The following SRP19 variants were observed in gnomAD, a reference collection of about 807,000 sequenced individuals.
The protein encoded by SRP19 is signal recognition particle 19, also known as signal recognition particle 19 kDa protein.
SRP19 carries 11 observed loss-of-function variants against 22.4 expected under a neutral mutation model. The observed-to-expected ratio is 0.49, with a 90% CI of 0.31 to 0.81. SRP19 has a LOEUF of 0.81. Ranked by LOEUF, SRP19 falls within the 40% of genes least tolerant of loss-of-function variation. The probability of loss-of-function intolerance (pLI) is 0.05; values close to 1 mark genes in which losing one functional copy is unlikely to be tolerated. For missense variants in SRP19, 168 were observed against 175.9 expected, an observed-to-expected ratio of 0.96 and a Z score of 0.25; for synonymous variants, 61 against 57.6, an observed-to-expected ratio of 1.06 and a Z score of -0.27.
chr5:112,878,174 G>GTAT (rs1647529939), intron 4 of SRP19: 1 of 152,566 alleles, frequency 6.6e-6, no homozygotes, highest in Non-Finnish European at 1.5e-5. Context: ...TATTAATCAC[G>GTAT]TATTTCCTAA....
intron 4 of SRP19, among the ~76,000 whole-genome samples, chr5:112,890,849 A>G (rs1768416964): frequency 6.6e-6 from 1 of 150,800 alleles, no homozygotes; most frequent in Non-Finnish European, 1.5e-5. Context: ...TAATCACTTA[A>G]GTCTGGTTTT....
downstream of SRP19, among the ~76,000 whole-genome samples, chr5:112,870,429 C>T (rs1158923681): frequency 2.6e-5 from 4 of 151,822 alleles, no homozygotes; most frequent in African/African-American, 7.3e-5. Context: ...TGCAGTGAGC[C>T]GTGATCATGC....
At chr5:112,888,410 C>T (rs1385462116) in intron 4 of SRP19, among the ~76,000 whole-genome samples, 2 of 152,108 alleles carry the variant, frequency 1.3e-5, no homozygotes, top group Non-Finnish European at 2.9e-5. Context: ...AAACAAAACC[C>T]AAGTTCTCAA....
rs144280995 is a variant in SRP19, at chr5:112,866,072, G to A, written c.302-1332G>A. Reference sequence around the variant, plus strand: ...AGACAAGGTCTCACTCTGTCATCGAGGTTGAGTGCAGTGGCACGATTATGG... The same window carrying A: ...AGACAAGGTCTCACTCTGTCATCGAAGTTGAGTGCAGTGGCACGATTATGG... On this transcript the variant is annotated intron_variant, in intron 4 of 4. Coordinates refer to ENST00000505459, the MANE Select transcript of SRP19 (RefSeq NM_003135.3). Among the ~76,000 whole-genome samples, 94 of 151,588 alleles carry A rather than the reference G, an allele frequency of 6.2e-4. 1 individual carries two copies. The East Asian group carries it at 0.013, about 21-fold the overall frequency.
chr5:112,882,903 G>C (rs911152219), intron 4 of SRP19, among the ~76,000 whole-genome samples: 2 of 152,102 alleles, frequency 1.3e-5, no homozygotes, highest in African/African-American at 4.8e-5. Flanking sequence ...AGTCACTTCT[G>C]TAGGCTCCCA....
chr5:112,892,002 G>A lies in SRP19; in HGVS notation c.*395G>A, dbSNP rs538839279. 3.2e-5 allele frequency: 41 copies of A among 1,287,264 alleles called. No homozygotes were observed. The East Asian group carries it at 9.5e-4, about 30-fold the overall frequency. 79.7% of individuals were successfully genotyped at this position (1,287,264 alleles called of 1,614,324 possible). A position where few individuals can be genotyped will look rare whatever the true frequency, so the allele number is the denominator to read the frequency against. Reference sequence around the variant, plus strand: ...AGGAACAATGGAAAGAACAGCAGAGGAAAGAGAGAGAAGAGGAGGAGCAGA... The same window carrying A: ...AGGAACAATGGAAAGAACAGCAGAGAAAAGAGAGAGAAGAGGAGGAGCAGA... On this transcript the variant is annotated 3_prime_UTR_variant, in exon 5 of 5. Transcript: ENST00000391338.
intron 4 of SRP19, among the ~76,000 whole-genome samples, chr5:112,866,001 C>T (rs1340960532): frequency 1.3e-5 from 2 of 152,126 alleles, no homozygotes; most frequent in African/African-American, 2.4e-5. Context: ...AGATTACAGG[C>T]GTTTGCCACC....
At position 112,878,855 on chromosome 5, in the gene SRP19, G is replaced by A. The variant is rs6875646; in HGVS notation, c.302-12748G>A. Reference sequence around the variant, plus strand: ...TCTTCGCTGTTTGTTTGTTAGGAGGGAAAGAAAAATATATCAAAGCTCTTT... The same window carrying A: ...TCTTCGCTGTTTGTTTGTTAGGAGGAAAAGAAAAATATATCAAAGCTCTTT... On this transcript the variant is annotated intron_variant, in intron 4 of 4. Transcript: ENST00000391338. 3.7e-6 allele frequency: 6 copies of A among 1,613,830 alleles called. No homozygotes were observed. In the Admixed American group the frequency reaches 1.0e-4, roughly 27 times the overall value.
chr5:112,885,321 A>G, intron 4 of SRP19: 1 of 174,684 alleles, frequency 5.7e-6, no homozygotes, highest in Non-Finnish European at 1.2e-5. Context: ...AGCAAGTGGT[A>G]GATTTAGAAC....
chr5:112,878,447 G>A (rs527421336), intron 4 of SRP19: 5 of 251,020 alleles, frequency 2.0e-5, no homozygotes, highest in Admixed American at 4.9e-5. Context: ...GAGAAAATGC[G>A]TGCAGGGAGA....
At chr5:112,875,971 C>T (rs554769421) in intron 4 of SRP19, among the ~76,000 whole-genome samples, 1 of 150,990 alleles carries the variant, frequency 6.6e-6, no homozygotes, top group South Asian at 2.1e-4. Context: ...GGCATGAACC[C>T]GGGAGGCGGC....
At position 112,867,595 on chromosome 5, in the gene SRP19, A is replaced by C; in HGVS notation, c.*58A>C. ...GTAAGAGACATGAATGGAGACTTCT[A>C]ATTTGTATCGGAGGGAAACAGAAGC... On this transcript the variant is annotated 3_prime_UTR_variant, in exon 5 of 5. Coordinates refer to ENST00000505459, the MANE Select transcript of SRP19 (RefSeq NM_003135.3). The C allele has an allele frequency of 6.7e-7, 1 of 1,482,896 alleles. No homozygotes were observed. The highest frequency in any genetic ancestry group is 9.0e-7 in the Non-Finnish European group (1 of 1,113,814). 91.9% of individuals were successfully genotyped at this position (1,482,896 alleles called of 1,614,324 possible).
chr5:112,884,552 A>C (rs1768173863), intron 4 of SRP19, among the ~76,000 whole-genome samples: 1 of 151,886 alleles, frequency 6.6e-6, no homozygotes, highest in East Asian at 1.9e-4. Context: ...TAATTTTTAA[A>C]TTTTTGTAGA....
In SRP19 at chr5:112,864,541, T is replaced by G; in HGVS notation, c.189+13T>G. 4 of 1,613,630 alleles carry G rather than the reference T, an allele frequency of 2.5e-6. No homozygotes were observed. In the South Asian group the frequency reaches 4.4e-5, roughly 18 times the overall value. ...CGTATTTCTTGAGGTATGACGTGGT[T>G]CTTCACTATTTTCCATACTCATCTA... is the stretch of plus-strand genomic sequence containing the variant. On this transcript the variant is annotated intron_variant, in intron 3 of 4. Transcript: ENST00000505459.
At chr5:112,865,028 C>A in intron 4 of SRP19, 1 of 214,352 alleles carries the variant, frequency 4.7e-6, no homozygotes, top group Non-Finnish European at 9.2e-6. Flanking sequence ...ATTATTAAAT[C>A]GTTGGATGTT....
intron 4 of SRP19, chr5:112,887,268 G>C: frequency 8.0e-7 from 1 of 1,249,552 alleles, no homozygotes; most frequent in African/African-American, 1.5e-5. Context: ...ACTACTCTGG[G>C]GATGGGAGAT....
At chr5:112,897,760 T>C (rs542386728), downstream of SRP19, 4 of 152,148 alleles carry the variant, frequency 2.6e-5, no homozygotes, top group Admixed American at 2.6e-4. Flanking sequence ...AAAAATAAAA[T>C]ATTAAACATG....
chr5:112,870,772 C>T (rs113124475), downstream of SRP19, among the ~76,000 whole-genome samples: 972 of 152,254 alleles, frequency 6.4e-3, 17 homozygotes, highest in African/African-American at 0.022. Context: ...CTCTCCTCAG[C>T]GCACCCTCTT....
At chr5:112,897,366 C>A (rs903362574), downstream of SRP19, 5 of 149,134 alleles carry the variant, frequency 3.4e-5, no homozygotes, top group African/African-American at 1.2e-4. Context: ...CACACACACA[C>A]ACACACACAC....
Sources: gnomAD v4.1 joint callset for allele counts (sites outside exome capture counted in the v4.1 genomes callset) on GRCh38, gnomAD v4.1.1 for gene constraint, MANE v1.5 for transcripts, NCBI Gene and HGNC (gene_info 2026-07-23, HGNC 2026-07-21) for gene names.